The following TSGA10 variants were observed in gnomAD, a reference collection of about 807,000 sequenced individuals.
TSGA10 encodes the protein testis specific 10, also known as testis-specific gene 10 protein.
Under a neutral mutation model 96.6 loss-of-function variants are expected in TSGA10, and 43 were observed. That is an observed-to-expected ratio of 0.44 (90% confidence interval 0.35 to 0.57). The LOEUF (loss-of-function observed/expected upper bound fraction) is 0.57, where lower values mean the gene tolerates loss of function less well. TSGA10 is among the 20% of genes least tolerant of loss of function. TSGA10 has a pLI of 0.01. For synonymous variants in TSGA10, 229 were observed against 269.9 expected (o/e 0.85, Z 1.48); for missense variants, 703 against 834.4 (o/e 0.84, Z 1.94).
At chr2:99,120,259 CTCCCT>C (rs1489037176) in intron 2 of TSGA10, among the ~76,000 whole-genome samples, 1 of 152,116 alleles carries the variant, frequency 6.6e-6, no homozygotes, top group African/African-American at 2.4e-5. Context: ...GAACACTCCC[CTCCCT>C]TCTCTCATGA....
chr2:99,061,720 C>T (rs2104442485), intron 16 of TSGA10, among the ~76,000 whole-genome samples: 1 of 152,204 alleles, frequency 6.6e-6, no homozygotes, highest in East Asian at 1.9e-4. Flanking sequence ...TCCTCACGGC[C>T]AAAAACTAGA....
intron 2 of TSGA10, among the ~76,000 whole-genome samples, chr2:99,120,692 AAAC>A (rs1391037715): frequency 2.0e-5 from 3 of 152,206 alleles, no homozygotes; most frequent in Non-Finnish European, 2.9e-5. Context: ...GTTGTGTCAT[AAAC>A]AACATAGTAT....
chr2:99,093,442 C>A (rs1397189847), intron 10 of TSGA10, among the ~76,000 whole-genome samples: 1 of 152,024 alleles, frequency 6.6e-6, no homozygotes, highest in Non-Finnish European at 1.5e-5. Flanking sequence ...TCCAAATCAG[C>A]AAAGAGGAAT....
In TSGA10 at chr2:99,042,461, C is replaced by T. The variant is rs147884282; in HGVS notation, c.1405-7022G>A. On this transcript the variant is annotated intron_variant, in intron 16 of 20. Transcript: ENST00000393483. ...GCTGGTCAGCTGTCTGGGGCTCTGACCAGACGAGATTTCCCTCACCTCAGT... is the reference window on the plus strand; with the variant it reads ...GCTGGTCAGCTGTCTGGGGCTCTGATCAGACGAGATTTCCCTCACCTCAGT... Among the ~76,000 whole-genome samples the T allele has an allele frequency of 9.6e-3, 1,466 of 152,216 alleles. 25 individuals carry two copies. Among genetic ancestry groups the T allele is most frequent in the African/African-American group, 0.034 (1,400 of 41,516 alleles).
At chr2:99,117,226 T>A (rs2104911531) in intron 4 of TSGA10, 1 of 152,308 alleles carries the variant, frequency 6.6e-6, no homozygotes, top group East Asian at 1.9e-4. Context: ...AATAAATGTA[T>A]CTATTAGTTT....
chr2:99,077,882 T>G (rs911376964), intron 12 of TSGA10, among the ~76,000 whole-genome samples: 5 of 151,770 alleles, frequency 3.3e-5, no homozygotes, highest in Non-Finnish European at 7.4e-5. Context: ...CGGCAACATC[T>G]TTTTTCAACA....
At chr2:99,118,047 T>C (rs1025110070) in intron 3 of TSGA10, among the ~76,000 whole-genome samples, 3 of 152,172 alleles carry the variant, frequency 2.0e-5, no homozygotes, top group African/African-American at 7.2e-5. Flanking sequence ...ATTAGAAAAA[T>C]GGCCAAATAT....
intron 16 of TSGA10, among the ~76,000 whole-genome samples, chr2:99,045,485 G>A (rs1308004128): frequency 1.3e-5 from 2 of 152,156 alleles, no homozygotes; most frequent in African/African-American, 2.4e-5. Context: ...GCCAAACCAA[G>A]CTTCAAAAGT....
rs182384973 is a variant in TSGA10 at position 99,017,001 on chromosome 2, T to C, written c.2072+1199A>G. Among the ~76,000 whole-genome samples, 18 of 152,246 alleles carry C rather than the reference T, an allele frequency of 1.2e-4. No individual in the cohort carries two copies. The East Asian group carries it at 2.3e-3, about 20-fold the overall frequency. On this transcript the variant is annotated intron_variant, in intron 20 of 20. Coordinates refer to ENST00000393483, the MANE Select transcript of TSGA10 (RefSeq NM_025244.4). Reference sequence around the variant, plus strand: ...GCCATAATTAAAAAATCAAAAAGCATAGATGTTGGCATAGATGTGGTGAAA... The same window carrying C: ...GCCATAATTAAAAAATCAAAAAGCACAGATGTTGGCATAGATGTGGTGAAA...
intron 20 of TSGA10, among the ~76,000 whole-genome samples, chr2:99,001,287 A>G (rs1184731822): frequency 6.6e-6 from 1 of 152,160 alleles, no homozygotes; most frequent in African/African-American, 2.4e-5. Context: ...AGGAAGGATC[A>G]GGCAGCAATA....
intron 1 of TSGA10, among the ~76,000 whole-genome samples, chr2:99,127,812 T>A (rs2092907785): frequency 6.6e-6 from 1 of 152,186 alleles, no homozygotes; most frequent in South Asian, 2.1e-4. Flanking sequence ...ATACAATATT[T>A]ATGGAGAACA....
chr2:99,089,931 C>T (rs2104673483), intron 10 of TSGA10, among the ~76,000 whole-genome samples: 1 of 152,288 alleles, frequency 6.6e-6, no homozygotes, highest in East Asian at 1.9e-4. Flanking sequence ...AAAGTGCCAC[C>T]TCCTGGCAGG....
At chr2:99,122,673 C>T (rs79659079) in intron 2 of TSGA10, among the ~76,000 whole-genome samples, 5,736 of 150,216 alleles carry the variant, frequency 0.038, 246 homozygotes, top group East Asian at 0.2. Context: ...TGCCTGCAGT[C>T]CCAATTACTT....
intron 1 of TSGA10, among the ~76,000 whole-genome samples, chr2:99,142,658 A>C (rs1158790834): frequency 6.6e-6 from 1 of 152,248 alleles, no homozygotes; most frequent in East Asian, 1.9e-4. Flanking sequence ...CACAAGGAGC[A>C]CATATCCTCG....
intron 1 of TSGA10, among the ~76,000 whole-genome samples, chr2:99,140,879 A>G (rs2093510774): frequency 6.6e-6 from 1 of 152,124 alleles, no homozygotes; most frequent in South Asian, 2.1e-4. Context: ...ACCTCCCAAG[A>G]AACAGGGGCA....
chr2:99,110,841 T>G lies in TSGA10; in HGVS notation c.-74+9A>C. Reference sequence around the variant, plus strand: ...TTCCGTAACACATATTTATGAAAAATGTACTTACAGATTTAAGCCTTTTTA... The same window carrying G: ...TTCCGTAACACATATTTATGAAAAAGGTACTTACAGATTTAAGCCTTTTTA... On this transcript the variant is annotated intron_variant, in intron 5 of 20. Coordinates refer to ENST00000393483, the MANE Select transcript of TSGA10 (RefSeq NM_025244.4). The G allele has an allele frequency of 7.3e-6, 5 of 686,148 alleles. No individual in the cohort carries two copies. The highest frequency in any genetic ancestry group is 9.0e-6 in the Non-Finnish European group (5 of 556,598). 42.5% of individuals were successfully genotyped at this position (686,148 alleles called of 1,614,324 possible).
At position 99,088,257 on chromosome 2, in the gene TSGA10, A is replaced by G. The variant is rs2088818921; in HGVS notation, c.612-6860T>C. On this transcript the variant is annotated intron_variant, in intron 10 of 20. Coordinates refer to ENST00000393483, the MANE Select transcript of TSGA10 (RefSeq NM_025244.4). ...CAGTTACCCACAGTCAACTGAAAAC[A>G]GAGAGACCACATTCACATGACTTTT... 2.0e-5 allele frequency among the ~76,000 whole-genome samples: 3 copies of G among 152,218 alleles called. 1 individual carries two copies. The South Asian group carries it at 6.2e-4, about 32-fold the overall frequency.
chr2:99,121,302 A>T (rs2092557449), intron 2 of TSGA10, among the ~76,000 whole-genome samples: 1 of 152,040 alleles, frequency 6.6e-6, no homozygotes, highest in Non-Finnish European at 1.5e-5. Context: ...TGAGTGATCC[A>T]GTTTCTCCTC....
At position 99,153,476 on chromosome 2, in the gene TSGA10, TAGGTAA is replaced by T. The variant is rs1452524781; in HGVS notation, c.-621+1211_-621+1216del. Among the ~76,000 whole-genome samples the T allele has an allele frequency of 2.0e-4, 31 of 151,926 alleles. 1 individual carries two copies. The highest frequency in any genetic ancestry group is 7.5e-4 in the African/African-American group (31 of 41,392). The stretch of plus-strand genomic sequence containing the variant: ...GGTTCCAGTGGAGAAGCTGAAGAAG[TAGGTAA>T]AGGTAAGAATAACCAAGGGACAGAA... On this transcript the variant is annotated intron_variant, in intron 1 of 20. Transcript: ENST00000393483.
Sources: allele counts gnomAD v4.1 joint callset (sites outside exome capture counted in the v4.1 genomes callset), GRCh38; gene constraint gnomAD v4.1.1; transcripts MANE v1.5; gene names NCBI Gene and HGNC (gene_info 2026-07-23, HGNC 2026-07-21).